Variants in GLO1 observed in about 807,000 individuals in gnomAD.
GLO1 encodes glyoxalase I, also known as lactoylglutathione lyase.
In GLO1, 28 loss-of-function variants were observed where a neutral mutation model predicts 26.0. That is an observed-to-expected ratio of 1.08 (90% CI 0.80 to 1.48). GLO1 has a LOEUF of 1.48. Ranked by LOEUF, GLO1 falls within the 40% of genes most tolerant of loss-of-function variation. GLO1 has a pLI of 0.00. For missense variants in GLO1, 225 were observed against 224.8 expected, an observed-to-expected ratio of 1.00 and a Z score of -0.01; for synonymous variants, 78 against 77.6, an observed-to-expected ratio of 1.00 and a Z score of -0.03.
chr6:38,697,280 A>G (rs1761625821), intron 1 of GLO1, among the ~76,000 whole-genome samples: 2 of 152,340 alleles, frequency 1.3e-5, no homozygotes, highest in Admixed American at 1.3e-4. Flanking sequence ...TAGGCCATAC[A>G]TGGTGCCAGT....
intron 3 of GLO1, chr6:38,683,146 T>C: frequency 2.8e-6 from 1 of 357,194 alleles, no homozygotes; most frequent in African/African-American, 2.1e-5. Context: ...GTACTTTATA[T>C]TTCATTTAAA....
intron 1 of GLO1, among the ~76,000 whole-genome samples, chr6:38,693,298 C>T (rs967898031): frequency 2.0e-5 from 3 of 151,980 alleles, no homozygotes; most frequent in Non-Finnish European, 2.9e-5. Flanking sequence ...TTTAGTATTC[C>T]CTTATCTTTC....
Position 38,684,795 on chromosome 6 carries a change from G to A in GLO1, c.168-281C>T, listed in dbSNP as rs142766000. Among the ~76,000 whole-genome samples the A allele has an allele frequency of 1.8e-4, 28 of 152,152 alleles. 1 individual carries two copies. The highest frequency in any genetic ancestry group is 6.2e-4 in the South Asian group (3 of 4,828). On this transcript the variant is annotated intron_variant, in intron 2 of 5. Transcript: ENST00000373365. ...ATGGTACTTGTTAATAAATAGAAAC[G>A]GCTATCTCCAAAAGAGAACTGTGTT...
intron 1 of GLO1, among the ~76,000 whole-genome samples, chr6:38,701,793 C>A (rs1287932699): frequency 6.6e-6 from 1 of 152,084 alleles, no homozygotes; most frequent in Non-Finnish European, 1.5e-5. Context: ...ACTTATCTAC[C>A]CCTTTTAAAG....
Position 38,686,013 on chromosome 6 carries a change from T to C in GLO1, c.167+879A>G, listed in dbSNP as rs577933111. On this transcript the variant is annotated intron_variant, in intron 2 of 5. Coordinates refer to ENST00000373365, the MANE Select transcript of GLO1 (RefSeq NM_006708.3). ...GGTGTGAAGACTGAACAAAATAACA[T>C]TTGAAGTGCCTGGCAAAAGTGTTCA... Among the ~76,000 whole-genome samples the C allele has an allele frequency of 2.0e-5, 3 of 152,312 alleles. No homozygotes were observed. The East Asian group carries it at 5.8e-4, about 29-fold the overall frequency.
chr6:38,695,641 G>A (rs1271923185), intron 1 of GLO1, among the ~76,000 whole-genome samples: 1 of 152,106 alleles, frequency 6.6e-6, no homozygotes, highest in African/African-American at 2.4e-5. Flanking sequence ...CCTTGGCAGG[G>A]GAAGGCTGGG....
rs1263184190 is a variant in GLO1 at position 38,677,368 on chromosome 6, A to G, written c.482T>C (p.Leu161Pro). The change falls in exon 6 of 6, where the codon CTG becomes CCG. Residue 161 changes from leucine to proline, a missense_variant. Coordinates refer to ENST00000373365, the MANE Select transcript of GLO1 (RefSeq NM_006708.3). The part of the protein sequence containing the change: ...KKPDDGKMKG[L>P]AFIQDPDGYW... ...GCCATCAGGATCTTGAATAAATGCC[A>G]GGCCTTTCATTTTACCTGTAAAATG... 7.3e-6 allele frequency: 11 copies of G among 1,512,858 alleles called. No homozygotes were observed. Among genetic ancestry groups the G allele is most frequent in the Non-Finnish European group, 1.0e-5 (11 of 1,088,682 alleles). The allele number at this position is 1,512,858 out of a possible 1,614,324, so 93.7% of individuals were successfully genotyped here.
chr6:38,688,574 T>C (rs1761488225), intron 1 of GLO1, among the ~76,000 whole-genome samples: 1 of 152,170 alleles, frequency 6.6e-6, no homozygotes, highest in East Asian at 1.9e-4. Flanking sequence ...GATTACAATG[T>C]TTGCTTGAGG....
intron 1 of GLO1, among the ~76,000 whole-genome samples, chr6:38,702,080 G>A (rs147563311): frequency 0.018 from 2,756 of 151,992 alleles, 66 homozygotes; most frequent in African/African-American, 0.062. Context: ...ACAGGCACCC[G>A]CCACCACGCC....
intron 5 of GLO1, among the ~76,000 whole-genome samples, chr6:38,677,728 T>A (rs1026716196): frequency 6.6e-6 from 1 of 152,250 alleles, no homozygotes; most frequent in Non-Finnish European, 1.5e-5. Flanking sequence ...AAAACTTTTA[T>A]TAATTAAAGA....
intron 1 of GLO1, among the ~76,000 whole-genome samples, chr6:38,692,428 G>A (rs965559685): frequency 3.9e-5 from 6 of 152,042 alleles, no homozygotes; most frequent in Non-Finnish European, 7.4e-5. Flanking sequence ...TGAATTCTGG[G>A]AGTTTTCTGT....
intron 1 of GLO1, among the ~76,000 whole-genome samples, chr6:38,701,919 T>C (rs1027921598): frequency 3.3e-5 from 5 of 151,520 alleles, no homozygotes; most frequent in Non-Finnish European, 5.9e-5. Flanking sequence ...CAGCGGTTAC[T>C]GTGCCTGAAT....
At chr6:38,687,633 A>G (rs1205835145) in intron 1 of GLO1, among the ~76,000 whole-genome samples, 6 of 152,238 alleles carry the variant, frequency 3.9e-5, no homozygotes, top group Admixed American at 3.9e-4. Context: ...CAGGAAACAG[A>G]AGGCTTGACT....
At chr6:38,680,726 C>CA (rs971091087) in intron 5 of GLO1, among the ~76,000 whole-genome samples, 1 of 151,946 alleles carries the variant, frequency 6.6e-6, no homozygotes, top group Middle Eastern at 3.2e-3. Flanking sequence ...CTCATCTCTA[C>CA]AAAAAAATAA....
chr6:38,678,287 A>G (rs1458394228), intron 5 of GLO1, among the ~76,000 whole-genome samples: 2 of 151,912 alleles, frequency 1.3e-5, no homozygotes, highest in African/African-American at 4.8e-5. Flanking sequence ...AGAGGAACAT[A>G]GATGGAAAAT....
At chr6:38,693,312 T>C (rs1230769013) in intron 1 of GLO1, among the ~76,000 whole-genome samples, 2 of 152,200 alleles carry the variant, frequency 1.3e-5, no homozygotes, top group Non-Finnish European at 2.9e-5. Context: ...ATCTTTCTTA[T>C]GTCAGAAAGG....
intron 1 of GLO1, among the ~76,000 whole-genome samples, chr6:38,690,070 G>A (rs1011475481): frequency 3.9e-5 from 6 of 152,114 alleles, no homozygotes; most frequent in Non-Finnish European, 5.9e-5. Context: ...TGATCCGCCT[G>A]CCTTGGCCTA....
In GLO1 at chr6:38,683,105, G is replaced by A. The variant is rs73414382; in HGVS notation, c.309-230C>T. 6.2e-3 allele frequency: 2,953 copies of A among 477,678 alleles called. 96 individuals carry two copies. Among genetic ancestry groups the A allele is most frequent in the African/African-American group, 0.052 (2,686 of 51,410 alleles). The allele number at this position is 477,678 out of a possible 1,614,324, so 29.6% of individuals were successfully genotyped here. A position where few individuals can be genotyped will look rare whatever the true frequency, so the allele number is the denominator to read the frequency against. ...AGGTACTGGACAAGAACAATAATAA[G>A]AATAATAATAATGCTCATTTATTGT... On this transcript the variant is annotated intron_variant, in intron 3 of 5. Transcript: ENST00000373365.
At chr6:38,687,004 T>C in intron 1 of GLO1, 30 bp from the exon 2 acceptor site, 6 of 1,556,164 alleles carry the variant, frequency 3.9e-6, no homozygotes, top group Non-Finnish European at 5.3e-6. Flanking sequence ...TTAAACATCT[T>C]TCACTTTTAC....
Sources: gnomAD v4.1 joint callset for allele counts (sites outside exome capture counted in the v4.1 genomes callset) on GRCh38, gnomAD v4.1.1 for gene constraint, MANE v1.5 for transcripts, NCBI Gene and HGNC (gene_info 2026-07-23, HGNC 2026-07-21) for gene names.